The following POU6F2 variants were observed in gnomAD, a reference collection of about 807,000 sequenced individuals.
The protein encoded by POU6F2 is POU class 6 homeobox 2.
In POU6F2, 31 loss-of-function variants were observed where a neutral mutation model predicts 71.3. That is an observed-to-expected ratio of 0.43 (90% CI 0.33 to 0.59). The LOEUF (loss-of-function observed/expected upper bound fraction) is 0.59. Ranked by LOEUF, POU6F2 falls within the 20% of genes least tolerant of loss-of-function variation. POU6F2 has a pLI of 0.04. For missense variants in POU6F2, 783 were observed against 856.8 expected, an observed-to-expected ratio of 0.91 and a Z score of 1.07; for synonymous variants, 347 against 355.7, an observed-to-expected ratio of 0.98 and a Z score of 0.27.
chr7:39,451,751 C>T, intron 8 of POU6F2, 50 bp downstream of exon 8: 1 of 1,498,072 alleles, frequency 6.7e-7, no homozygotes, highest in Non-Finnish European at 9.1e-7. Flanking sequence ...TTCTTGTTGC[C>T]TATTTGCAAT....
At chr7:39,100,793 T>C (rs1791553286) in intron 2 of POU6F2, among the ~76,000 whole-genome samples, 1 of 152,186 alleles carries the variant, frequency 6.6e-6, no homozygotes, top group South Asian at 2.1e-4. Context: ...GTTCCCTCTG[T>C]GGTTTTGTCA....
intron 1 of POU6F2, among the ~76,000 whole-genome samples, chr7:39,082,258 C>T (rs559190322): frequency 7.9e-5 from 12 of 152,284 alleles, no homozygotes; most frequent in African/African-American, 2.2e-4. Flanking sequence ...CTGATGGCCC[C>T]GTGAGTGTCC....
chr7:39,452,679 C>CA (rs1229789840), intron 8 of POU6F2, among the ~76,000 whole-genome samples: 2 of 151,902 alleles, frequency 1.3e-5, no homozygotes, highest in African/African-American at 2.4e-5. Context: ...TAATCCTCCT[C>CA]AAAAAAGAAA....
At chr7:39,377,450 C>T (rs1296817621) in intron 5 of POU6F2, among the ~76,000 whole-genome samples, 2 of 152,148 alleles carry the variant, frequency 1.3e-5, no homozygotes, top group African/African-American at 4.8e-5. Flanking sequence ...ATTTTAATTA[C>T]ATATAAAAGA....
At chr7:39,067,058 A>G (rs1300325681) in intron 1 of POU6F2, among the ~76,000 whole-genome samples, 1 of 148,966 alleles carries the variant, frequency 6.7e-6, no homozygotes, top group Non-Finnish European at 1.5e-5. Flanking sequence ...TATATTATGT[A>G]TATGGCATAT....
chr7:39,304,581 A>G (rs181234504), intron 4 of POU6F2, among the ~76,000 whole-genome samples: 3 of 152,362 alleles, frequency 2.0e-5, no homozygotes, highest in South Asian at 2.1e-4. Flanking sequence ...TCAAGTTCCA[A>G]TGGAAACCCA....
intron 2 of POU6F2, among the ~76,000 whole-genome samples, chr7:39,093,174 A>T (rs1791389472): frequency 6.6e-6 from 1 of 152,102 alleles, no homozygotes; most frequent in Non-Finnish European, 1.5e-5. Flanking sequence ...GAACAATATA[A>T]CTAATAGTCA....
At chr7:39,112,133 C>G (rs1278143327) in intron 2 of POU6F2, among the ~76,000 whole-genome samples, 1 of 152,182 alleles carries the variant, frequency 6.6e-6, no homozygotes, top group Non-Finnish European at 1.5e-5. Context: ...TACCTGACTT[C>G]TCACCTGTGT....
intron 2 of POU6F2, among the ~76,000 whole-genome samples, chr7:39,144,632 A>T (rs1792577574): frequency 6.6e-6 from 1 of 152,192 alleles, no homozygotes; most frequent in African/African-American, 2.4e-5. Flanking sequence ...ATGATCAGGC[A>T]ACACCTTTGT....
intron 4 of POU6F2, among the ~76,000 whole-genome samples, chr7:39,314,083 C>T (rs145457276): frequency 5.6e-4 from 85 of 152,266 alleles, no homozygotes; most frequent in South Asian, 4.8e-3. Context: ...TTGTGTGTGA[C>T]GATGATTTGC....
intron 4 of POU6F2, among the ~76,000 whole-genome samples, chr7:39,212,599 G>A (rs191656511): frequency 5.3e-5 from 8 of 152,156 alleles, no homozygotes; most frequent in East Asian, 3.9e-4. Context: ...CCATCCCTGC[G>A]TCCTTTATCC....
intron 2 of POU6F2, among the ~76,000 whole-genome samples, chr7:39,111,059 A>C (rs1791801045): frequency 6.6e-6 from 1 of 152,154 alleles, no homozygotes; most frequent in Admixed American, 6.5e-5. Flanking sequence ...CTGTGTATCA[A>C]TTTTTGATAA....
chr7:39,176,440 C>T (rs1278945787), intron 2 of POU6F2, among the ~76,000 whole-genome samples: 2 of 152,324 alleles, frequency 1.3e-5, no homozygotes, highest in East Asian at 3.9e-4. Context: ...TGGATGGTTA[C>T]TCAATGCCCT....
Position 39,204,268 on chromosome 7 carries a change from G to A in POU6F2, c.311G>A (p.Gly104Asp). The change falls in exon 3 of 10, where the codon GGC (glycine) becomes GAC (aspartate). Residue 104 changes from glycine to aspartate, a missense_variant. Physicochemically the swap from Gly to Asp is moderately conservative, Grantham distance 94 (BLOSUM62 -1). Coordinates refer to ENST00000518318, the MANE Select transcript of POU6F2 (RefSeq NM_001370959.1). ...GGAAACCCAGCATTATCAGACCCAGGCACTCCTGACCAACACCAGGCCAGT... is the reference window on the plus strand; with the variant it reads ...GGAAACCCAGCATTATCAGACCCAGACACTCCTGACCAACACCAGGCCAGT... ...ARGNPALSDP[G>D]TPDQHQASQT... The A allele has an allele frequency of 6.2e-7, 1 of 1,613,744 alleles. No homozygotes were observed. The highest frequency in any genetic ancestry group is 8.5e-7 in the Non-Finnish European group (1 of 1,179,802).
chr7:39,290,392 C>T (rs1310788249), intron 4 of POU6F2, among the ~76,000 whole-genome samples: 1 of 152,172 alleles, frequency 6.6e-6, no homozygotes, highest in East Asian at 1.9e-4. Context: ...CCCCACCAAG[C>T]CACTCCCTGT....
chr7:39,085,662 C>T (rs1791223529), intron 1 of POU6F2, 198 bp from the exon 2 acceptor site: 2 of 535,134 alleles, frequency 3.7e-6, no homozygotes, highest in Admixed American at 3.0e-5. Flanking sequence ...ATGGAGAACT[C>T]ATCGGATCTG....
chr7:39,016,265 T>C lies in POU6F2; in HGVS notation c.105+38207T>C, dbSNP rs554354004. Among the ~76,000 whole-genome samples the C allele has an allele frequency of 3.4e-5, 5 of 147,950 alleles. No homozygotes were observed. In the East Asian group the frequency reaches 9.8e-4, roughly 29 times the overall value. On this transcript the variant is annotated intron_variant, in intron 1 of 9. Transcript: ENST00000518318. Reference sequence around the variant, plus strand: ...GATTATCTATATAGAAAATACAGTATATACTATATAATAACAACTATTTAT... The same window carrying C: ...GATTATCTATATAGAAAATACAGTACATACTATATAATAACAACTATTTAT...
At chr7:39,273,506 A>G (rs535577129) in intron 4 of POU6F2, among the ~76,000 whole-genome samples, 1 of 152,322 alleles carries the variant, frequency 6.6e-6, no homozygotes, top group South Asian at 2.1e-4. Flanking sequence ...AGTACTCCTC[A>G]GAATTTTAAG....
At chr7:39,151,066 CT>C (rs1369463649) in intron 2 of POU6F2, among the ~76,000 whole-genome samples, 1 of 151,800 alleles carries the variant, frequency 6.6e-6, no homozygotes, top group East Asian at 1.9e-4. Flanking sequence ...CCATAGAACT[CT>C]TTCAACCTAT....
Sources: gnomAD v4.1 joint callset for allele counts (sites outside exome capture counted in the v4.1 genomes callset) on GRCh38, gnomAD v4.1.1 for gene constraint, MANE v1.5 for transcripts, NCBI Gene and HGNC (gene_info 2026-07-23, HGNC 2026-07-21) for gene names.